The following ACVR1 variants were observed in gnomAD, a reference collection of about 807,000 sequenced individuals.
ACVR1 encodes the protein activin receptor type-1.
A neutral mutation model predicts 57.1 loss-of-function variants in ACVR1; 38 were observed. The observed-to-expected ratio is 0.67, with a 90% CI of 0.51 to 0.87. ACVR1 has a LOEUF of 0.87. Ranked by LOEUF, ACVR1 falls within the 40% of genes least tolerant of loss-of-function variation. The probability of loss-of-function intolerance (pLI) is 0.00; values close to 1 mark genes in which losing one functional copy is unlikely to be tolerated. For synonymous variants in ACVR1, 212 were observed against 228.1 expected (o/e 0.93, Z 0.63); for missense variants, 463 against 638.2 (o/e 0.73, Z 2.96).
chr2:157,866,380 G>A (rs1689936370), intron 1 of ACVR1, among the ~76,000 whole-genome samples: 1 of 152,128 alleles, frequency 6.6e-6, no homozygotes, highest in South Asian at 2.1e-4. Context: ...AGGAGCTGAG[G>A]TGGACACAGC....
intron 1 of ACVR1, among the ~76,000 whole-genome samples, chr2:157,833,045 T>C (rs1262756895): frequency 2.6e-5 from 4 of 152,238 alleles, no homozygotes; most frequent in Admixed American, 2.0e-4. Context: ...GAAAGGAATA[T>C]GTGTGTATAA....
intron 1 of ACVR1, among the ~76,000 whole-genome samples, chr2:157,825,729 G>A (rs1688319912): frequency 6.6e-6 from 1 of 152,158 alleles, no homozygotes; most frequent in Admixed American, 6.5e-5. Flanking sequence ...AAATCAGTCT[G>A]CTGTCCTGGG....
At chr2:157,836,536 C>A (rs1294927119) in intron 1 of ACVR1, among the ~76,000 whole-genome samples, 2 of 152,208 alleles carry the variant, frequency 1.3e-5, no homozygotes, top group Admixed American at 6.5e-5. Context: ...CCAGGACAAG[C>A]GTCACTCCCA....
At chr2:157,738,293 G>C (rs1301161387) in intron 10 of ACVR1, 147 bp downstream of exon 10, 3 of 1,247,766 alleles carry the variant, frequency 2.4e-6, no homozygotes, top group Middle Eastern at 2.1e-4. Flanking sequence ...TACTCTTCTA[G>C]ATCTAAACCC....
At chr2:157,753,295 C>A (rs556668491) in intron 9 of ACVR1, among the ~76,000 whole-genome samples, 1 of 152,188 alleles carries the variant, frequency 6.6e-6, no homozygotes, top group African/African-American at 2.4e-5. Context: ...TTTGGGAGGC[C>A]GAGGCGGGCA....
intron 1 of ACVR1, among the ~76,000 whole-genome samples, chr2:157,865,080 T>A (rs1574163982): frequency 7.6e-6 from 1 of 131,444 alleles, no homozygotes; most frequent in Admixed American, 8.5e-5. Flanking sequence ...GAGTTCTTTA[T>A]AGACTCAAAC....
chr2:157,853,356 T>C (rs1249964199), intron 1 of ACVR1, among the ~76,000 whole-genome samples: 1 of 152,166 alleles, frequency 6.6e-6, no homozygotes, highest in Non-Finnish European at 1.5e-5. Context: ...TGTGTCCTCA[T>C]GTGGAAAGAG....
intron 1 of ACVR1, among the ~76,000 whole-genome samples, chr2:157,856,251 A>G (rs1214822971): frequency 6.6e-6 from 1 of 152,130 alleles, no homozygotes; most frequent in Non-Finnish European, 1.5e-5. Flanking sequence ...TCTCATCCTC[A>G]TATCCGTGCG....
intron 1 of ACVR1, among the ~76,000 whole-genome samples, chr2:157,823,250 T>C (rs1391014069): frequency 2.6e-5 from 4 of 152,220 alleles, no homozygotes; most frequent in African/African-American, 7.2e-5. Flanking sequence ...TGTCATTGTG[T>C]TGACTCATAC....
chr2:157,848,018 C>G (rs760210028), intron 1 of ACVR1, among the ~76,000 whole-genome samples: 3 of 152,086 alleles, frequency 2.0e-5, no homozygotes, highest in Admixed American at 6.5e-5. Flanking sequence ...CTATCACAGC[C>G]AAGAGGAACC....
intron 7 of ACVR1, among the ~76,000 whole-genome samples, chr2:157,767,501 T>C (rs1325940743): frequency 6.6e-6 from 1 of 152,102 alleles, no homozygotes; most frequent in Non-Finnish European, 1.5e-5. Flanking sequence ...ACCACGCTGG[T>C]AGACAGTGAA....
chr2:157,824,406 T>C (rs2105335811), intron 1 of ACVR1, among the ~76,000 whole-genome samples: 2 of 152,258 alleles, frequency 1.3e-5, no homozygotes, highest in South Asian at 4.1e-4. Context: ...AGCTCGAGGC[T>C]ACAGTGAGCC....
At chr2:157,785,640 T>C (rs1686686254) in intron 3 of ACVR1, among the ~76,000 whole-genome samples, 1 of 152,116 alleles carries the variant, frequency 6.6e-6, no homozygotes, top group Admixed American at 6.5e-5. Flanking sequence ...AAACACTCAT[T>C]TAGGGAACTC....
intron 1 of ACVR1, among the ~76,000 whole-genome samples, chr2:157,865,941 G>A (rs1286945420): frequency 6.6e-6 from 1 of 152,038 alleles, no homozygotes; most frequent in Non-Finnish European, 1.5e-5. Flanking sequence ...AGGTAGTACT[G>A]AACTCTATCT....
chr2:157,837,867 C>T (rs944505728), intron 1 of ACVR1, among the ~76,000 whole-genome samples: 2 of 152,286 alleles, frequency 1.3e-5, no homozygotes, highest in South Asian at 2.1e-4. Flanking sequence ...AGTCATTGAA[C>T]GTGGACTCTT....
chr2:157,756,491 C>T (rs60492578), intron 9 of ACVR1, among the ~76,000 whole-genome samples: 5,270 of 151,696 alleles, frequency 0.035, 265 homozygotes, highest in African/African-American at 0.11. Context: ...AAAAGTGGGC[C>T]AAGGACATGA....
chr2:157,820,971 ACT>A (rs1241744967), intron 1 of ACVR1, among the ~76,000 whole-genome samples: 1 of 152,138 alleles, frequency 6.6e-6, no homozygotes, highest in African/African-American at 2.4e-5. Context: ...AATTCATTGG[ACT>A]CTCAAATAAA....
At chr2:157,866,779 C>A (rs1384239540) in intron 1 of ACVR1, among the ~76,000 whole-genome samples, 3 of 152,146 alleles carry the variant, frequency 2.0e-5, no homozygotes, top group Non-Finnish European at 4.4e-5. Flanking sequence ...CTCCTCTATT[C>A]GGATAAACAT....
intron 8 of ACVR1, among the ~76,000 whole-genome samples, chr2:157,762,171 T>C (rs1379411021): frequency 6.6e-6 from 1 of 152,210 alleles, no homozygotes; most frequent in African/African-American, 2.4e-5. Flanking sequence ...TCCTATGCAA[T>C]AGTCCCCCCA....
Sources: gnomAD v4.1 joint callset for allele counts (sites outside exome capture counted in the v4.1 genomes callset) on GRCh38, gnomAD v4.1.1 for gene constraint, MANE v1.5 for transcripts, NCBI Gene and HGNC (gene_info 2026-07-23, HGNC 2026-07-21) for gene names.